Variants in EML6 observed in about 807,000 individuals in gnomAD.
EML6 encodes EMAP like 6.
A neutral mutation model predicts 240.1 loss-of-function variants in EML6; 154 were observed. The observed-to-expected ratio is 0.64, with a 90% CI of 0.56 to 0.73. The LOEUF is 0.73. Among genes scored for constraint, EML6 ranks in the 30% least tolerant of loss-of-function variants. The probability of loss-of-function intolerance (pLI) is 0.00; values close to 1 mark genes in which losing one functional copy is unlikely to be tolerated. For synonymous variants in EML6, 1,148 were observed against 899.0 expected, an observed-to-expected ratio of 1.28 and a Z score of -4.95; for missense variants, 2,964 against 2,474.6, an observed-to-expected ratio of 1.20 and a Z score of -4.20.
intron 11 of EML6, among the ~76,000 whole-genome samples, chr2:54,858,250 G>T (rs1362761672): frequency 6.6e-6 from 1 of 152,218 alleles, no homozygotes. Flanking sequence ...AGAGATCCAA[G>T]AAAGACAGCA....
In EML6 at chr2:54,967,071, C is replaced by T; in HGVS notation, c.5565C>T (p.Val1855=). The change falls in exon 39 of 42, where the codon GTC becomes GTT. Residue 1855 remains valine, a synonymous_variant. Coordinates refer to ENST00000356458, the MANE Select transcript of EML6 (RefSeq NM_001039753.4). ...GGAAGCAGGTAACTGAAGCCGTGGT[C>T]ATTGAGAAGATCACCTGGGCCTCCT... is the stretch of plus-strand genomic sequence containing the variant. ...PLGKQVTEAV[V]IEKITWASWT... The T allele has an allele frequency of 3.2e-6, 5 of 1,551,378 alleles. No homozygotes were observed. In the South Asian group the frequency reaches 6.0e-5, roughly 18 times the overall value.
intron 16 of EML6, among the ~76,000 whole-genome samples, chr2:54,877,466 A>C (rs1238018430): frequency 1.3e-5 from 2 of 152,188 alleles, no homozygotes; most frequent in Non-Finnish European, 2.9e-5. Context: ...TCTTAAAAAA[A>C]AGCTTATGAT....
At chr2:54,883,096 T>A (rs1431130398) in intron 17 of EML6, among the ~76,000 whole-genome samples, 2 of 151,924 alleles carry the variant, frequency 1.3e-5, no homozygotes, top group Non-Finnish European at 2.9e-5. Context: ...TCAAATAATA[T>A]ATGATCATTA....
chr2:54,733,716 A>T (rs1490042224), intron 2 of EML6, among the ~76,000 whole-genome samples: 1 of 152,170 alleles, frequency 6.6e-6, no homozygotes, highest in Non-Finnish European at 1.5e-5. Context: ...TACCAACTGA[A>T]TCAATCTTTT....
intron 4 of EML6, among the ~76,000 whole-genome samples, chr2:54,819,273 C>T (rs143601353): frequency 7.0e-4 from 106 of 152,300 alleles, no homozygotes; most frequent in Middle Eastern, 3.4e-3. Flanking sequence ...CATGGATCTA[C>T]CTCCATCAGA....
At chr2:54,863,061 T>G (rs1215446361) in intron 12 of EML6, among the ~76,000 whole-genome samples, 1 of 152,238 alleles carries the variant, frequency 6.6e-6, no homozygotes, top group Admixed American at 6.5e-5. Context: ...TTTTCATTTA[T>G]CTCTGATGTC....
At chr2:54,728,517 A>G (rs1683010761) in intron 2 of EML6, among the ~76,000 whole-genome samples, 1 of 152,184 alleles carries the variant, frequency 6.6e-6, no homozygotes, top group Middle Eastern at 3.2e-3. Context: ...GTTATCATGC[A>G]CACTTGGGTA....
intron 28 of EML6, among the ~76,000 whole-genome samples, chr2:54,936,715 T>C: frequency 6.6e-6 from 1 of 152,180 alleles, no homozygotes; most frequent in East Asian, 1.9e-4. Context: ...CAGGGATGAA[T>C]AAATGAATGT....
chr2:54,829,552 C>T (rs1055900457), intron 7 of EML6, 75 bp downstream of exon 7: 1 of 1,190,508 alleles, frequency 8.4e-7, no homozygotes, highest in African/African-American at 1.5e-5. Context: ...ATATTTGTTT[C>T]TCTGTACCCC....
rs1475683960 is a variant in EML6, at chr2:54,894,920, T to A, written c.2748T>A (p.Phe916Leu). ...VFAMYALDKG[F>L]VTGGKDGIVE... is the part of the protein sequence containing the mutation. ...TCTCATGTGTGCCTTCACAGGGCTT[T>A]GTAACAGGTGGAAAGGACGGCATCG... The change falls in exon 20 of 42, where the codon TTT becomes TTA. Residue 916 changes from phenylalanine to leucine, a missense_variant. By Grantham distance (22) the Phe-to-Leu change is conservative (BLOSUM62 0). Coordinates refer to ENST00000356458, the MANE Select transcript of EML6 (RefSeq NM_001039753.4). The A allele has an allele frequency of 1.9e-6, 3 of 1,550,570 alleles. No homozygotes were observed. Among genetic ancestry groups the A allele is most frequent in the Non-Finnish European group, 2.6e-6 (3 of 1,146,040 alleles).
Position 54,725,029 on chromosome 2 carries a change from G to T in EML6, c.-33G>T, listed in dbSNP as rs1682841040. 3 of 1,463,176 alleles carry T rather than the reference G, an allele frequency of 2.1e-6. No individual in the cohort carries two copies. The highest frequency in any genetic ancestry group is 2.6e-5 in the Admixed American group (1 of 38,782). 90.6% of individuals were successfully genotyped at this position (1,463,176 alleles called of 1,614,324 possible). ...CTCGGCGAGGACGGCCCCGGCGCGCGGGGGGGCGGGGGGCGCGCGGGGTCG... is the reference window on the plus strand; with the variant it reads ...CTCGGCGAGGACGGCCCCGGCGCGCTGGGGGGCGGGGGGCGCGCGGGGTCG... On this transcript the variant is annotated 5_prime_UTR_variant, in exon 2 of 42. Transcript: ENST00000356458. The surrounding 1 kb of genome is among the most constrained non-coding windows in gnomAD (Gnocchi z 4.3).
intron 39 of EML6, 111 bp from the exon 40 acceptor site, chr2:54,968,017 C>T (rs1676824310): frequency 9.3e-7 from 1 of 1,080,436 alleles, no homozygotes; most frequent in South Asian, 1.5e-5. Flanking sequence ...CTGTTGGGGA[C>T]CCCTGATGTT....
chr2:54,879,529 T>G lies in EML6; in HGVS notation c.2345-18T>G, dbSNP rs1671707205. On this transcript the variant is annotated intron_variant, in intron 16 of 41. Transcript: ENST00000356458. Reference sequence around the variant, plus strand: ...TTTTCATGGAAGAAATTTTGACATTTGTGTTGTTTTCATACAGCCGATGGA... The same window carrying G: ...TTTTCATGGAAGAAATTTTGACATTGGTGTTGTTTTCATACAGCCGATGGA... 1.1e-5 allele frequency: 17 copies of G among 1,517,066 alleles called. No homozygotes were observed. The highest frequency in any genetic ancestry group is 2.5e-5 in the East Asian group (1 of 40,766). The allele number at this position is 1,517,066 out of a possible 1,614,324, so 94.0% of individuals were successfully genotyped here. A position where few individuals can be genotyped will look rare whatever the true frequency, so the allele number is the denominator to read the frequency against.
intron 12 of EML6, among the ~76,000 whole-genome samples, chr2:54,861,794 GCACAGAAACCAACA>G (rs1670687573): frequency 7.5e-6 from 1 of 132,784 alleles, no homozygotes; most frequent in African/African-American, 2.5e-5. Flanking sequence ...TTAATCTAAT[GCACAGAAACCAACA>G]CACAGTGTCA....
intron 30 of EML6, 103 bp downstream of exon 30, chr2:54,950,882 A>G: frequency 2.4e-6 from 3 of 1,236,086 alleles, no homozygotes; most frequent in South Asian, 3.1e-5. Context: ...CTTCCCTTAT[A>G]GAGCCATTCC....
intron 7 of EML6, among the ~76,000 whole-genome samples, chr2:54,832,406 G>A (rs1257123412): frequency 6.6e-6 from 1 of 152,232 alleles, no homozygotes; most frequent in Non-Finnish European, 1.5e-5. Flanking sequence ...GAGACTCTCA[G>A]AACCGGCCCT....
At chr2:54,844,021 G>C (rs1168399357) in intron 7 of EML6, 26 bp from the exon 8 acceptor site, 2 of 1,261,818 alleles carry the variant, frequency 1.6e-6, no homozygotes, top group Non-Finnish European at 1.1e-6. Flanking sequence ...GTGAAGATTT[G>C]CTTTTGTTTT....
intron 19 of EML6, 76 bp from the exon 20 acceptor site, chr2:54,894,839 G>A (rs1489575074): frequency 7.6e-6 from 7 of 917,722 alleles, no homozygotes; most frequent in African/African-American, 1.6e-5. Flanking sequence ...CTTACCTGCG[G>A]GGAATCCTCC....
chr2:54,802,726 T>C (rs1670236458), intron 2 of EML6, among the ~76,000 whole-genome samples: 2 of 152,042 alleles, frequency 1.3e-5, no homozygotes, highest in South Asian at 4.2e-4. Flanking sequence ...AAAGGCCATG[T>C]TACTTTACTT....
Sources: allele counts gnomAD v4.1 joint callset (sites outside exome capture counted in the v4.1 genomes callset), GRCh38; gene constraint gnomAD v4.1.1; non-coding constraint Gnocchi (gnomAD v3.1); transcripts MANE v1.5; gene names NCBI Gene and HGNC (gene_info 2026-07-23, HGNC 2026-07-21).